Variants in LRMDA observed in about 807,000 individuals in gnomAD.
LRMDA encodes the protein leucine-rich melanocyte differentiation-associated protein.
A neutral mutation model predicts 29.8 loss-of-function variants in LRMDA; 18 were observed. The ratio of observed to expected loss-of-function variants is 0.60; its 90% CI spans 0.42 to 0.90. The LOEUF is 0.90. LRMDA is among the 40% of genes least tolerant of loss of function. LRMDA has a pLI of 0.00. For missense variants in LRMDA, 273 were observed against 273.9 expected (o/e 1.00, Z 0.02); for synonymous variants, 125 against 109.4 (o/e 1.14, Z -0.89).
In LRMDA at chr10:75,431,743, C is replaced by A. The variant is rs1188100998; in HGVS notation, c.19C>A (p.Arg7Ser). The change falls in exon 1 of 7, where the codon CGT becomes AGT. Residue 7 changes from arginine to serine, a missense_variant. Coordinates refer to ENST00000611255, the MANE Select transcript of LRMDA (RefSeq NM_001305581.2). The part of the protein sequence containing the change: MAGLVV[R>S]GTQVSYIGQD... ...GGCCGCCATGGCCGGGCTCGTGGTG[C>A]GTGGAACTCAAGTAAGTCCCGGCCA... is the stretch of plus-strand genomic sequence containing the variant. The A allele has an allele frequency of 2.2e-6, 3 of 1,374,288 alleles. No homozygotes were observed. The highest frequency in any genetic ancestry group is 1.5e-5 in the African/African-American group (1 of 67,186). 85.1% of individuals were successfully genotyped at this position (1,374,288 alleles called of 1,614,324 possible).
intron 1 of LRMDA, among the ~76,000 whole-genome samples, chr10:75,433,002 G>A (rs879446088): frequency 3.9e-5 from 6 of 152,188 alleles, no homozygotes; most frequent in Non-Finnish European, 7.3e-5. Flanking sequence ...GGAGAGAGCT[G>A]GAGAAAGACC....
At chr10:76,055,454 A>G (rs1171258634) in intron 4 of LRMDA, among the ~76,000 whole-genome samples, 1 of 152,220 alleles carries the variant, frequency 6.6e-6, no homozygotes, top group Non-Finnish European at 1.5e-5. Flanking sequence ...AATGTCACCG[A>G]ATCCTTGGGT....
At chr10:75,567,673 A>C (rs1840390165) in intron 2 of LRMDA, among the ~76,000 whole-genome samples, 1 of 152,230 alleles carries the variant, frequency 6.6e-6, no homozygotes, top group Admixed American at 6.5e-5. Context: ...GATTCTTGGC[A>C]AAAGAACCAG....
intron 2 of LRMDA, among the ~76,000 whole-genome samples, chr10:75,868,900 CT>C (rs1355397461): frequency 6.6e-6 from 1 of 152,204 alleles, no homozygotes; most frequent in Non-Finnish European, 1.5e-5. Context: ...GACCCCACCC[CT>C]GGCACACACC....
intron 2 of LRMDA, among the ~76,000 whole-genome samples, chr10:75,669,752 G>A (rs891969094): frequency 6.6e-6 from 1 of 152,056 alleles, no homozygotes; most frequent in Non-Finnish European, 1.5e-5. Flanking sequence ...AGTACTTTTT[G>A]GTGACACTAT....
At chr10:75,609,266 C>T (rs1370624511) in intron 2 of LRMDA, among the ~76,000 whole-genome samples, 2 of 152,128 alleles carry the variant, frequency 1.3e-5, no homozygotes, top group East Asian at 1.9e-4. Flanking sequence ...TGGAAATGGG[C>T]TTTGTAAAGA....
intron 2 of LRMDA, among the ~76,000 whole-genome samples, chr10:75,892,899 C>A (rs1845517984): frequency 6.6e-6 from 1 of 152,184 alleles, no homozygotes; most frequent in Admixed American, 6.5e-5. Context: ...TCAGAGCCCC[C>A]ATGGGACAAC....
chr10:75,489,225 GTAAAAAA>G (rs1305798925), intron 2 of LRMDA, among the ~76,000 whole-genome samples: 1 of 20,568 alleles, frequency 4.9e-5, no homozygotes, highest in East Asian at 9.4e-4. Context: ...TGGATTTTTA[GTAAAAAA>G]AAAAAAAAAA....
Position 76,119,030 on chromosome 10 carries a change from A to C in LRMDA, c.516+60247A>C, listed in dbSNP as rs181468369. 2.0e-5 allele frequency among the ~76,000 whole-genome samples: 3 copies of C among 152,006 alleles called. No individual in the cohort carries two copies. The East Asian group carries it at 5.8e-4, about 29-fold the overall frequency. ...ATGAAGTTCCTGATAATATGACACA[A>C]ATTTCTTTACTTTTGCTCCTTATTT... On this transcript the variant is annotated intron_variant, in intron 5 of 6. Transcript: ENST00000611255.
In LRMDA at chr10:76,329,833, GA is replaced by G. The variant is rs1840883099; in HGVS notation, c.601+5353del. Among the ~76,000 whole-genome samples the G allele has an allele frequency of 2.0e-5, 3 of 152,144 alleles. No individual in the cohort carries two copies. In the South Asian group the frequency reaches 6.2e-4, roughly 32 times the overall value. On this transcript the variant is annotated intron_variant, in intron 6 of 6. Coordinates refer to ENST00000611255, the MANE Select transcript of LRMDA (RefSeq NM_001305581.2). The stretch of plus-strand genomic sequence containing the variant: ...CCAAAAAAGAAGAAAAAGACCGAAA[GA>G]AAAACTGTGTTTTTTTAAATTATTT...
Position 76,261,229 on chromosome 10 carries a change from TA to T in LRMDA, c.517-63170del, listed in dbSNP as rs1157908097. On this transcript the variant is annotated intron_variant, in intron 5 of 6. Transcript: ENST00000611255. ...ACAGGCGCCTGCCACCACGCCCGGA[TA>T]ATTTTTTTTTTTCTGTATTTTTTAG... 7.9e-5 allele frequency among the ~76,000 whole-genome samples: 12 copies of T among 151,728 alleles called. No individual in the cohort carries two copies. The East Asian group carries it at 2.1e-3, about 27-fold the overall frequency.
chr10:75,890,650 A>G (rs1290265594), intron 2 of LRMDA, among the ~76,000 whole-genome samples: 1 of 152,180 alleles, frequency 6.6e-6, no homozygotes, highest in African/African-American at 2.4e-5. Context: ...GAGGACCTGT[A>G]CCATGCTTTA....
At chr10:75,783,106 T>C in intron 2 of LRMDA, 1 of 1,519,518 alleles carries the variant, frequency 6.6e-7, no homozygotes. Context: ...AGGCTGGCTG[T>C]CAGGGTAGGA....
At chr10:76,472,712 C>T (rs1033520361) in intron 6 of LRMDA, among the ~76,000 whole-genome samples, 3 of 151,374 alleles carry the variant, frequency 2.0e-5, no homozygotes, top group Non-Finnish European at 4.4e-5. Flanking sequence ...TTACTATCAA[C>T]CTGACAGAAA....
At chr10:76,072,230 G>A (rs567525565) in intron 5 of LRMDA, among the ~76,000 whole-genome samples, 2 of 152,264 alleles carry the variant, frequency 1.3e-5, no homozygotes, top group Non-Finnish European at 1.5e-5. Context: ...GAAGATGCAG[G>A]ATAGTTTGTG....
In LRMDA at chr10:75,783,111, G is replaced by A. The variant is rs1476442246; in HGVS notation, c.132-252897G>A. 4.0e-6 allele frequency: 6 copies of A among 1,495,970 alleles called. No homozygotes were observed. The African/African-American group carries it at 5.5e-5, about 14-fold the overall frequency. 92.7% of individuals were successfully genotyped at this position (1,495,970 alleles called of 1,614,324 possible). On this transcript the variant is annotated intron_variant, in intron 2 of 6. Transcript: ENST00000611255. ...GCAATGATGAAGGCTGGCTGTCAGGGTAGGACTTGATGAGCGAGATGATTG... is the reference window on the plus strand; with the variant it reads ...GCAATGATGAAGGCTGGCTGTCAGGATAGGACTTGATGAGCGAGATGATTG...
intron 2 of LRMDA, among the ~76,000 whole-genome samples, chr10:75,997,614 G>A (rs1847492957): frequency 6.6e-6 from 1 of 152,134 alleles, no homozygotes; most frequent in Non-Finnish European, 1.5e-5. Flanking sequence ...CAAATTTGAT[G>A]GTGGGAAAAC....
chr10:75,450,495 C>A (rs1844448546), intron 2 of LRMDA: 1 of 152,092 alleles, frequency 6.6e-6, no homozygotes, highest in African/African-American at 2.4e-5. Flanking sequence ...CCAAACCATT[C>A]TTGAGATAAA....
chr10:75,942,095 GTCT>G (rs989210788), intron 2 of LRMDA, among the ~76,000 whole-genome samples: 7 of 152,110 alleles, frequency 4.6e-5, no homozygotes, highest in Admixed American at 1.3e-4. Flanking sequence ...AGGCTCTCTG[GTCT>G]TCTTCTTCTT....
Sources: allele counts gnomAD v4.1 joint callset (sites outside exome capture counted in the v4.1 genomes callset), GRCh38; gene constraint gnomAD v4.1.1; transcripts MANE v1.5; gene names NCBI Gene and HGNC (gene_info 2026-07-23, HGNC 2026-07-21).